Variants in FAM168A observed in about 807,000 individuals in gnomAD.
FAM168A encodes protein FAM168A.
In FAM168A, 3 loss-of-function variants were observed where a neutral mutation model predicts 28.5. That is an observed-to-expected ratio of 0.11 (90% CI 0.05 to 0.27). The LOEUF is 0.27. Among genes scored for constraint, FAM168A ranks in the 10% least tolerant of loss-of-function variants. The pLI is 1.00. For missense variants in FAM168A, 222 were observed against 311.5 expected (o/e 0.71, Z 2.16); for synonymous variants, 122 against 124.2 (o/e 0.98, Z 0.12).
chr11:73,491,679 T>C (rs1868130040), intron 1 of FAM168A, among the ~76,000 whole-genome samples: 2 of 152,226 alleles, frequency 1.3e-5, no homozygotes, highest in African/African-American at 4.8e-5. Context: ...AGTAGAACAC[T>C]GACTCTCATC....
At chr11:73,559,158 A>G (rs879850218) in intron 1 of FAM168A, among the ~76,000 whole-genome samples, 4 of 152,210 alleles carry the variant, frequency 2.6e-5, no homozygotes, top group Non-Finnish European at 5.9e-5. Context: ...CCGTAATCCT[A>G]TCACTTTGGG....
At chr11:73,550,780 G>A (rs1191747699) in intron 1 of FAM168A, among the ~76,000 whole-genome samples, 1 of 151,956 alleles carries the variant, frequency 6.6e-6, no homozygotes, top group Non-Finnish European at 1.5e-5. Flanking sequence ...CAGGTGAAAA[G>A]TAGTTCAATT....
chr11:73,409,375 CT>C, intron 6 of FAM168A, 111 bp downstream of exon 6: 1 of 1,390,866 alleles, frequency 7.2e-7, no homozygotes, highest in Non-Finnish European at 9.8e-7. Flanking sequence ...CCCAAGCCCC[CT>C]GGCACAGGAT....
At chr11:73,577,697 T>A (rs995900611) in intron 1 of FAM168A, among the ~76,000 whole-genome samples, 5 of 152,208 alleles carry the variant, frequency 3.3e-5, no homozygotes, top group African/African-American at 1.2e-4. Flanking sequence ...CAAGGCAGAA[T>A]AGGAACTAAA....
At chr11:73,576,271 T>C (rs1165581882) in intron 1 of FAM168A, among the ~76,000 whole-genome samples, 1 of 152,150 alleles carries the variant, frequency 6.6e-6, no homozygotes, top group African/African-American at 2.4e-5. Flanking sequence ...ATGAACAATC[T>C]AAATCGAAGT....
chr11:73,451,030 T>C (rs1867418932), intron 2 of FAM168A, among the ~76,000 whole-genome samples: 1 of 151,948 alleles, frequency 6.6e-6, no homozygotes, highest in Non-Finnish European at 1.5e-5. Flanking sequence ...TGGAGACGAG[T>C]GTGTGCATGT....
chr11:73,477,921 GTAGATAGATAGA>G (rs35031500), intron 1 of FAM168A, among the ~76,000 whole-genome samples: 10,966 of 147,264 alleles, frequency 0.074, 391 homozygotes, highest in African/African-American at 0.093. Context: ...AAGCTGATAT[GTAGATAGATAGA>G]TAGATAGATA....
intron 1 of FAM168A, among the ~76,000 whole-genome samples, chr11:73,505,753 TCACC>T (rs1855105395): frequency 1.3e-5 from 2 of 152,146 alleles, no homozygotes; most frequent in Non-Finnish European, 2.9e-5. Context: ...TTGGTGTACT[TCACC>T]ATTTTATAGA....
At position 73,415,547 on chromosome 11, in the gene FAM168A, G is replaced by C. The variant is rs185896176; in HGVS notation, c.278-4011C>G. Among the ~76,000 whole-genome samples, 214 of 152,360 alleles carry C rather than the reference G, an allele frequency of 1.4e-3. 2 individuals are homozygous for C. The highest frequency in any genetic ancestry group is 2.4e-4 in the Non-Finnish European group (16 of 68,036). ...TAGACAGTATCAGAGAACTTCTCTA[G>C]TGCTGACATTCTAGGTCTCTGAGTA... On this transcript the variant is annotated intron_variant, in intron 4 of 7. Coordinates refer to ENST00000356467, the MANE Select transcript of FAM168A (RefSeq NM_015159.3).
chr11:73,573,067 C>A (rs1035332953), intron 1 of FAM168A, among the ~76,000 whole-genome samples: 3 of 152,064 alleles, frequency 2.0e-5, no homozygotes, highest in African/African-American at 7.3e-5. Flanking sequence ...TGCCAGCCAC[C>A]ATCTGCACCT....
Position 73,505,422 on chromosome 11 carries a change from G to A in FAM168A, c.-18-36930C>T, listed in dbSNP as rs117997583. ...CAGGGTTTTTATGAGGATTAAATAA[G>A]AGCTAACATATGTAAAGTGTTTAGA... On this transcript the variant is annotated intron_variant, in intron 1 of 7. Transcript: ENST00000356467. Among the ~76,000 whole-genome samples the A allele has an allele frequency of 1.6e-3, 250 of 152,132 alleles. 2 individuals are homozygous for A. In the East Asian group the frequency reaches 0.04, roughly 25 times the overall value.
intron 2 of FAM168A, among the ~76,000 whole-genome samples, chr11:73,440,424 C>A (rs1867172454): frequency 6.6e-6 from 1 of 152,106 alleles, no homozygotes; most frequent in South Asian, 2.1e-4. Flanking sequence ...GGAAGGAGGA[C>A]CGCTGCTTGA....
At chr11:73,559,407 C>CA (rs2134702848) in intron 1 of FAM168A, among the ~76,000 whole-genome samples, 1 of 151,944 alleles carries the variant, frequency 6.6e-6, no homozygotes, top group African/African-American at 2.4e-5. Flanking sequence ...GACCCAAGAT[C>CA]ATACCACTGC....
Position 73,408,114 on chromosome 11 carries a change from G to A in FAM168A, c.596-471C>T, listed in dbSNP as rs962333646. On this transcript the variant is annotated intron_variant, in intron 6 of 7. Transcript: ENST00000356467. ...TCGAACTCCTGACCTCAAGTGATCCGCCCACCTCGGCCTCCCAAAATGCTG... is the reference window on the plus strand; with the variant it reads ...TCGAACTCCTGACCTCAAGTGATCCACCCACCTCGGCCTCCCAAAATGCTG... Among the ~76,000 whole-genome samples the A allele has an allele frequency of 1.6e-4, 25 of 152,086 alleles. 1 individual carries two copies. Among genetic ancestry groups the A allele is most frequent in the African/African-American group, 4.8e-4 (20 of 41,402 alleles).
intron 4 of FAM168A, among the ~76,000 whole-genome samples, chr11:73,413,127 C>A (rs1384384186): frequency 6.6e-6 from 1 of 152,198 alleles, no homozygotes; most frequent in Non-Finnish European, 1.5e-5. Context: ...GGTCACAAAT[C>A]TTTCTCAGTC....
chr11:73,410,403 G>A (rs553872245), intron 5 of FAM168A: 9 of 150,622 alleles, frequency 6.0e-5, no homozygotes, highest in African/African-American at 2.2e-4. Flanking sequence ...GCAAGACTCC[G>A]TCTCAAGAAA....
At chr11:73,493,403 TTTAA>T (rs1854798647) in intron 1 of FAM168A, among the ~76,000 whole-genome samples, 1 of 152,004 alleles carries the variant, frequency 6.6e-6, no homozygotes, top group Admixed American at 6.6e-5. Context: ...TTAGGGTCTT[TTTAA>T]AGGTTGTTTT....
chr11:73,460,762 C>A (rs1206797279), intron 2 of FAM168A, among the ~76,000 whole-genome samples: 7 of 152,166 alleles, frequency 4.6e-5, no homozygotes, highest in Admixed American at 2.0e-4. Flanking sequence ...CCTCGGCCTT[C>A]CAAAGTGCTG....
intron 1 of FAM168A, among the ~76,000 whole-genome samples, chr11:73,516,275 G>A (rs1416454146): frequency 6.6e-6 from 1 of 152,044 alleles, no homozygotes; most frequent in African/African-American, 2.4e-5. Context: ...TATTAGCTGT[G>A]TTACCTCATG....
Sources: gnomAD v4.1 joint callset for allele counts (sites outside exome capture counted in the v4.1 genomes callset) on GRCh38, gnomAD v4.1.1 for gene constraint, MANE v1.5 for transcripts, NCBI Gene and HGNC (gene_info 2026-07-23, HGNC 2026-07-21) for gene names.